SECISBP2: variants seen among roughly 807,000 people sequenced by gnomAD.
The protein encoded by SECISBP2 is selenocysteine insertion sequence-binding protein 2.
Under a neutral mutation model 98.2 loss-of-function variants are expected in SECISBP2, and 96 were observed. That is an observed-to-expected ratio of 0.98 (90% confidence interval 0.83 to 1.16). The LOEUF is 1.16. SECISBP2 is among the 50% of genes most tolerant of loss of function. The pLI is 0.00. For missense variants in SECISBP2, 1,046 were observed against 1,022.9 expected (o/e 1.02, Z -0.31); for synonymous variants, 407 against 370.2 (o/e 1.10, Z -1.14).
chr9:89,355,189 C>G, intron 14 of SECISBP2: 2 of 985,358 alleles, frequency 2.0e-6, no homozygotes, highest in Non-Finnish European at 2.4e-6. Flanking sequence ...ATGAGAGGAT[C>G]GATATGTAAG....
intron 16 of SECISBP2, 35 bp from the exon 17 acceptor site, chr9:89,358,686 G>C: frequency 7.2e-7 from 1 of 1,381,434 alleles, no homozygotes; most frequent in Non-Finnish European, 1.0e-6. Context: ...ACTTGTTGAT[G>C]CCTATTCCTC....
chr9:89,366,245 G>A, the SECISBP2 span, among the ~76,000 whole-genome samples: 3 of 152,210 alleles, frequency 2.0e-5, no homozygotes, highest in African/African-American at 7.2e-5. Flanking sequence ...GCCCAAAAAT[G>A]GCTGGGATGC....
chr9:89,321,225 G>A (rs1825749259), intron 2 of SECISBP2, among the ~76,000 whole-genome samples: 2 of 152,194 alleles, frequency 1.3e-5, no homozygotes, highest in Admixed American at 1.3e-4. Context: ...ATATATCTCA[G>A]TGACAAGAGC....
rs1829638773 is a variant in SECISBP2, at chr9:89,341,426, A to C, written c.1382A>C (p.Lys461Thr). 6.2e-7 allele frequency: 1 copy of C among 1,614,048 alleles called. No homozygotes were observed. Residue 461 changes from lysine to threonine, a missense_variant, in exon 10 of 17, where the codon AAG becomes ACG. By Grantham distance (78) the Lys-to-Thr change is moderately conservative (BLOSUM62 -1). Transcript: ENST00000375807. ...DLGGMLTALE[K>T]KQHSQHAKQS... is the part of the protein sequence containing the mutation. ...GGGGGCATGCTGACAGCCCTGGAGA[A>C]GAAGCAGCACTCTCAGCATGCAAAG... is the stretch of plus-strand genomic sequence containing the variant.
intron 4 of SECISBP2, 116 bp from the exon 5 acceptor site, chr9:89,328,544 G>C (rs1325256204): frequency 1.3e-6 from 1 of 782,848 alleles, no homozygotes; most frequent in East Asian, 2.6e-5. Context: ...ACGGTGTTTT[G>C]ACAACAACCT....
intron 7 of SECISBP2, 110 bp from the exon 8 acceptor site, chr9:89,338,348 A>G: frequency 3.9e-6 from 5 of 1,279,512 alleles, no homozygotes; most frequent in Non-Finnish European, 5.5e-6. Flanking sequence ...TCTGAATAAA[A>G]TTGTCATGTG....
In SECISBP2 at chr9:89,358,958, G is replaced by A; in HGVS notation, c.*134G>A. 1.4e-6 allele frequency: 1 copy of A among 698,038 alleles called. No individual in the cohort carries two copies. The highest frequency in any genetic ancestry group is 2.6e-6 in the Non-Finnish European group (1 of 388,902). 43.2% of individuals were successfully genotyped at this position (698,038 alleles called of 1,614,324 possible). On this transcript the variant is annotated 3_prime_UTR_variant, in exon 17 of 17. Coordinates refer to ENST00000375807, the MANE Select transcript of SECISBP2 (RefSeq NM_024077.5). ...ATCTGGAAATTGATCAGCATTAAAG[G>A]GCACATGAAGCAGTGTCTGCAGGCG...
rs1245165370 is a variant in SECISBP2, at chr9:89,348,202, G to A, written c.1726G>A (p.Ala576Thr). 1.2e-6 allele frequency: 2 copies of A among 1,614,074 alleles called. No homozygotes were observed. Among genetic ancestry groups the A allele is most frequent in the Non-Finnish European group, 1.7e-6 (2 of 1,180,034 alleles). Residue 576 changes from alanine to threonine, a missense_variant, in exon 12 of 17, where the codon GCA (alanine) becomes ACA (threonine). By Grantham distance (58) the Ala-to-Thr change is moderately conservative. Coordinates refer to ENST00000375807, the MANE Select transcript of SECISBP2 (RefSeq NM_024077.5). ...TGGTGATGACCAGTTTCCCGAGCAG[G>A]CAGAGCTGTCAGGTACCAACTTCTC... ...SGGDDQFPEQ[A>T]ELSGPEGMDE...
chr9:89,352,061 C>G (rs1698168192), intron 14 of SECISBP2, among the ~76,000 whole-genome samples: 1 of 152,220 alleles, frequency 6.6e-6, no homozygotes, highest in African/African-American at 2.4e-5. Flanking sequence ...CACATGTTTT[C>G]AGTTTTAAGT....
chr9:89,327,324 A>G (rs546787906), intron 4 of SECISBP2, among the ~76,000 whole-genome samples: 11 of 152,350 alleles, frequency 7.2e-5, no homozygotes, highest in East Asian at 1.9e-4. Flanking sequence ...CGTTCTAAAC[A>G]TTGTACACTT....
chr9:89,355,211 T>A, intron 14 of SECISBP2: 1 of 985,452 alleles, frequency 1.0e-6, no homozygotes. Context: ...AGATTCCAGG[T>A]GATACTATGC....
At chr9:89,327,290 G>A (rs1826893345) in intron 4 of SECISBP2, among the ~76,000 whole-genome samples, 1 of 152,196 alleles carries the variant, frequency 6.6e-6, no homozygotes, top group African/African-American at 2.4e-5. Context: ...GAAGGCCTAG[G>A]GTGTTACTGT....
intron 10 of SECISBP2, among the ~76,000 whole-genome samples, chr9:89,343,680 T>G (rs1830006661): frequency 6.6e-6 from 1 of 152,238 alleles, no homozygotes; most frequent in South Asian, 2.1e-4. Flanking sequence ...CTCATTCTCT[T>G]TTATGACTGC....
At chr9:89,360,546 A>G (rs1049102095), downstream of SECISBP2, among the ~76,000 whole-genome samples, 3 of 152,212 alleles carry the variant, frequency 2.0e-5, no homozygotes, top group African/African-American at 7.2e-5. Flanking sequence ...CTAAGATAAA[A>G]GCAGCTTAAA....
chr9:89,338,534 C>T lies in SECISBP2; in HGVS notation c.1166C>T (p.Thr389Ile), dbSNP rs1829147407. The T allele has an allele frequency of 1.2e-6, 2 of 1,613,008 alleles. No individual in the cohort carries two copies. The highest frequency in any genetic ancestry group is 1.7e-6 in the Non-Finnish European group (2 of 1,179,650). The change falls in exon 8 of 17, where the codon ACA becomes ATA. Residue 389 changes from threonine (T) to isoleucine (I), a missense_variant. Physicochemically the swap from Thr to Ile is moderately conservative, Grantham distance 89. Coordinates refer to ENST00000375807, the MANE Select transcript of SECISBP2 (RefSeq NM_024077.5). The stretch of plus-strand genomic sequence containing the variant: ...AATAAGAAAAAGAAAGAAAAATCTA[C>T]ATCAAAATATGAAGTCCTGACAGTT... ...RKNKKKKEKS[T>I]SKYEVLTVQE... is the part of the protein sequence containing the mutation.
At chr9:89,355,341 C>T in intron 14 of SECISBP2, 4 of 985,408 alleles carry the variant, frequency 4.1e-6, no homozygotes, top group Non-Finnish European at 4.8e-6. Context: ...ATATGCTGTG[C>T]CTTCCTCCAG....
chr9:89,352,668 C>T (rs1320975480), intron 14 of SECISBP2, among the ~76,000 whole-genome samples: 2 of 152,150 alleles, frequency 1.3e-5, no homozygotes, highest in African/African-American at 4.8e-5. Flanking sequence ...AGGGTCGGGC[C>T]TCCTGGACTG....
chr9:89,328,192 C>T (rs151117922), intron 4 of SECISBP2, among the ~76,000 whole-genome samples: 15 of 152,222 alleles, frequency 9.9e-5, no homozygotes, highest in Admixed American at 3.3e-4. Flanking sequence ...TTGTCATTAC[C>T]GAGTATTATG....
rs1013676862 is a variant in SECISBP2, at chr9:89,328,384, C to T, written c.575-276C>T. On this transcript the variant is annotated intron_variant, in intron 4 of 16. Coordinates refer to ENST00000375807, the MANE Select transcript of SECISBP2 (RefSeq NM_024077.5). Reference sequence around the variant, plus strand: ...TATACGTAATCCATTGCTGATCAGACCATCATATGTGGCGCGTGACTATAC... The same window carrying T: ...TATACGTAATCCATTGCTGATCAGATCATCATATGTGGCGCGTGACTATAC... 6.6e-5 allele frequency among the ~76,000 whole-genome samples: 10 copies of T among 152,134 alleles called. No homozygotes were observed. The South Asian group carries it at 8.3e-4, about 13-fold the overall frequency.
Sources: gnomAD v4.1 joint callset for allele counts (sites outside exome capture counted in the v4.1 genomes callset) on GRCh38, gnomAD v4.1.1 for gene constraint, MANE v1.5 for transcripts, NCBI Gene and HGNC (gene_info 2026-07-23, HGNC 2026-07-21) for gene names.